SLC13A5: variants seen among roughly 807,000 people sequenced by gnomAD.
SLC13A5 encodes Na(+)/citrate cotransporter.
A neutral mutation model predicts 56.5 loss-of-function variants in SLC13A5; 25 were observed. The observed-to-expected ratio is 0.44, with a 90% CI of 0.32 to 0.62. SLC13A5 has a LOEUF of 0.62. Ranked by LOEUF, SLC13A5 falls within the 20% of genes least tolerant of loss-of-function variation. The pLI is 0.04. For missense variants in SLC13A5, 649 were observed against 737.8 expected (o/e 0.88, Z 1.39); for synonymous variants, 307 against 301.5 (o/e 1.02, Z -0.19).
intron 7 of SLC13A5, 66 bp from the exon 8 acceptor site, chr17:6,694,263 C>T (rs1050061023): frequency 1.4e-5 from 13 of 946,648 alleles, no homozygotes; most frequent in South Asian, 1.1e-4. Context: ...ATCACAACTC[C>T]GGCAGTTCTG....
Position 6,694,088 on chromosome 17 carries a change from G to C in SLC13A5, c.1156+9C>G. On this transcript the variant is annotated intron_variant, in intron 8 of 11. Coordinates refer to ENST00000433363, the MANE Select transcript of SLC13A5 (RefSeq NM_177550.5). ...CCTGATGACTGGGCGATCAGAACAG[G>C]AGACTTACCTTCCTCAGTCTGGCTG... The C allele has an allele frequency of 6.3e-7, 1 of 1,599,908 alleles. No homozygotes were observed. Among genetic ancestry groups the C allele is most frequent in the Non-Finnish European group, 8.6e-7 (1 of 1,167,750 alleles).
intron 3 of SLC13A5, 132 bp downstream of exon 3, chr17:6,706,510 C>T: frequency 7.6e-7 from 1 of 1,318,282 alleles, no homozygotes; most frequent in Non-Finnish European, 1.0e-6. Context: ...TAACGCACCC[C>T]ACCCAGCCAA....
At chr17:6,691,564 T>G (rs772905221) in intron 9 of SLC13A5, among the ~76,000 whole-genome samples, 3 of 152,218 alleles carry the variant, frequency 2.0e-5, no homozygotes, top group Non-Finnish European at 4.4e-5. Context: ...CAGACACTCC[T>G]GTTTCAGGGA....
chr17:6,701,485 G>C lies in SLC13A5; in HGVS notation c.717-359C>G, dbSNP rs1973711408. Among the ~76,000 whole-genome samples the C allele has an allele frequency of 1.3e-5, 2 of 152,206 alleles. No homozygotes were observed. Among genetic ancestry groups the C allele is most frequent in the African/African-American group, 2.4e-5 (1 of 41,456 alleles). On this transcript the variant is annotated intron_variant, in intron 5 of 11. Transcript: ENST00000433363. The surrounding 1 kb of genome is among the most constrained non-coding windows in gnomAD (Gnocchi z 4.1). ...CCAGGACTCTGGGAGGCCGAGGCAG[G>C]TGGGGCACAAGGTCAGGAGCTTAAG...
intron 7 of SLC13A5, 81 bp downstream of exon 7, chr17:6,695,645 C>A: frequency 6.9e-7 from 1 of 1,439,300 alleles, no homozygotes; most frequent in Non-Finnish European, 9.7e-7. Flanking sequence ...CCCACCTCAG[C>A]CTCCCAAAGT....
At chr17:6,702,438 CGAAGCAGT>C (rs1461012751) in intron 5 of SLC13A5, among the ~76,000 whole-genome samples, 2 of 152,176 alleles carry the variant, frequency 1.3e-5, no homozygotes, top group African/African-American at 4.8e-5. Flanking sequence ...GGGACTATAA[CGAAGCAGT>C]GAAGCAGTGA....
At position 6,684,918 on chromosome 17, in the gene SLC13A5, A is replaced by G. The variant is rs1011499976; in HGVS notation, c.*1289T>C. The stretch of plus-strand genomic sequence containing the variant: ...CTCTTCCAGAGCAGCACAAGAAGGA[A>G]ATAAAATGGACTTGCGGGGGAAAGA... On this transcript the variant is annotated 3_prime_UTR_variant, in exon 12 of 12. Transcript: ENST00000433363. 2 of 152,198 alleles carry G rather than the reference A, an allele frequency of 1.3e-5. No individual in the cohort carries two copies. The highest frequency in any genetic ancestry group is 2.9e-5 in the Non-Finnish European group (2 of 68,048). 9.4% of individuals were successfully genotyped at this position (152,198 alleles called of 1,614,324 possible). A position where few individuals can be genotyped will look rare whatever the true frequency, so the allele number is the denominator to read the frequency against.
intron 1 of SLC13A5, among the ~76,000 whole-genome samples, chr17:6,712,740 T>A (rs8079060): frequency 6.6e-6 from 1 of 152,184 alleles, no homozygotes; most frequent in African/African-American, 2.4e-5. Context: ...GGGTGATGAT[T>A]TTTTTCCTGT....
chr17:6,704,646 T>G lies in SLC13A5; in HGVS notation c.369-590A>C, dbSNP rs1444061166. On this transcript the variant is annotated intron_variant, in intron 3 of 11. Coordinates refer to ENST00000433363, the MANE Select transcript of SLC13A5 (RefSeq NM_177550.5). ...CTCCCCTCCGCCCCGCACATACACT[T>G]TGACCCCTCCATGCTGCAGTGGAGC... The G allele has an allele frequency of 2.7e-5, 6 of 224,580 alleles. No homozygotes were observed. In the East Asian group the frequency reaches 6.3e-4, roughly 23 times the overall value. The allele number at this position is 224,580 out of a possible 1,614,324, so 13.9% of individuals were successfully genotyped here.
intron 8 of SLC13A5, 52 bp from the exon 9 acceptor site, chr17:6,693,214 C>T: frequency 1.0e-6 from 1 of 965,700 alleles, no homozygotes; most frequent in Non-Finnish European, 1.5e-6. Context: ...CACACACACA[C>T]ACACACACAC....
chr17:6,700,854 A>C, intron 6 of SLC13A5, 150 bp downstream of exon 6: 3 of 1,142,516 alleles, frequency 2.6e-6, no homozygotes, highest in African/African-American at 1.5e-5. Flanking sequence ...GTTCGAAGGA[A>C]CAGGAGGGCA....
chr17:6,713,319 C>G lies in SLC13A5; in HGVS notation c.15G>C (p.Leu5=). The change falls in exon 1 of 12, where the codon CTG becomes CTC. Residue 5 remains leucine (L), a synonymous_variant. Coordinates refer to ENST00000433363, the MANE Select transcript of SLC13A5 (RefSeq NM_177550.5). This position sits in a 1 kb window ranked among gnomAD's most constrained non-coding sequence, Gnocchi z 7.3. MASA[L]SYVSKFKSFV... is the part of the protein sequence containing the mutation. The stretch of plus-strand genomic sequence containing the variant: ...AGGACTTGAACTTGGAGACATAGCT[C>G]AGCGCCGAGGCCATCGCGCGGGAGG... The G allele has an allele frequency of 6.2e-7, 1 of 1,613,878 alleles. No individual in the cohort carries two copies. Among genetic ancestry groups the G allele is most frequent in the Non-Finnish European group, 8.5e-7 (1 of 1,179,884 alleles).
In SLC13A5 at chr17:6,687,671, G is replaced by A. The variant is rs368120301; in HGVS notation, c.1438-5C>T. 16 of 1,588,718 alleles carry A rather than the reference G, an allele frequency of 1.0e-5. 1 individual carries two copies. Among genetic ancestry groups the A allele is most frequent in the East Asian group, 4.5e-5 (2 of 44,042 alleles). On this transcript the variant is annotated splice_region_variant and splice_polypyrimidine_tract_variant and intron_variant, in intron 10 of 11. Transcript: ENST00000433363. This position sits in a 1 kb window ranked among gnomAD's most constrained non-coding sequence, Gnocchi z 5.0. Reference sequence around the variant, plus strand: ...ATTGAGGCCGATGGAGCGAGACTGCGGAAAAACAGCACTGCAACATCACCG... The same window carrying A: ...ATTGAGGCCGATGGAGCGAGACTGCAGAAAAACAGCACTGCAACATCACCG...
intron 6 of SLC13A5, among the ~76,000 whole-genome samples, chr17:6,700,666 G>T (rs142631918): frequency 2.7e-4 from 41 of 152,334 alleles, no homozygotes; most frequent in Non-Finnish European, 5.6e-4. Flanking sequence ...GCCAAATGCA[G>T]ATACTAAAGG....
chr17:6,687,459 C>T lies in SLC13A5; in HGVS notation c.1575+70G>A. The T allele has an allele frequency of 1.3e-6, 2 of 1,592,710 alleles. No individual in the cohort carries two copies. The highest frequency in any genetic ancestry group is 1.7e-6 in the Non-Finnish European group (2 of 1,170,066). On this transcript the variant is annotated intron_variant, in intron 11 of 11. Transcript: ENST00000433363. This position sits in a 1 kb window ranked among gnomAD's most constrained non-coding sequence, Gnocchi z 5.0. ...GACATCGTTTTGAAACTCTGTCATT[C>T]ATAAATGGGGCATCCCTTATGACAA...
chr17:6,710,106 T>C (rs1973980332), intron 1 of SLC13A5, among the ~76,000 whole-genome samples: 1 of 152,146 alleles, frequency 6.6e-6, no homozygotes, highest in African/African-American at 2.4e-5. Flanking sequence ...ACAGATATGA[T>C]TGGCGCCCAC....
chr17:6,711,426 CTT>C lies in SLC13A5; in HGVS notation c.102+1804_102+1805del, dbSNP rs565591494. Among the ~76,000 whole-genome samples the C allele has an allele frequency of 0.02, 2,888 of 144,418 alleles. 94 individuals carry two copies. The highest frequency in any genetic ancestry group is 0.071 in the African/African-American group (2,705 of 38,332). 94.7% of individuals were successfully genotyped at this position (144,418 alleles called of 152,430 possible). A position where few individuals can be genotyped will look rare whatever the true frequency, so the allele number is the denominator to read the frequency against. ...CAGCTTAATCTCTCTCTCTCTCTCT[CTT>C]ACACACACACACATACACACACATA... On this transcript the variant is annotated intron_variant, in intron 1 of 11. Transcript: ENST00000433363. The surrounding 1 kb of genome is among the most constrained non-coding windows in gnomAD (Gnocchi z 4.0).
chr17:6,702,633 A>C (rs1040610945), intron 5 of SLC13A5, among the ~76,000 whole-genome samples: 3 of 152,136 alleles, frequency 2.0e-5, no homozygotes, highest in Non-Finnish European at 4.4e-5. Context: ...ATCTGCCATG[A>C]CTTTAGCTCA....
At chr17:6,704,104 C>G in intron 3 of SLC13A5, 48 bp from the exon 4 acceptor site, 1 of 1,567,894 alleles carries the variant, frequency 6.4e-7, no homozygotes, top group Non-Finnish European at 8.6e-7. Context: ...CCACCCCACC[C>G]CCGTACTCCC....
Sources: allele counts gnomAD v4.1 joint callset (sites outside exome capture counted in the v4.1 genomes callset), GRCh38; gene constraint gnomAD v4.1.1; non-coding constraint Gnocchi (gnomAD v3.1); transcripts MANE v1.5; gene names NCBI Gene and HGNC (gene_info 2026-07-23, HGNC 2026-07-21).